The following MREG variants were observed in gnomAD, a reference collection of about 807,000 sequenced individuals.
MREG encodes the protein dilute suppressor protein homolog.
In MREG, 31 loss-of-function variants were observed where a neutral mutation model predicts 28.5. The ratio of observed to expected loss-of-function variants is 1.09; its 90% CI spans 0.82 to 1.47. The LOEUF is 1.47. Ranked by LOEUF, MREG falls within the 40% of genes most tolerant of loss-of-function variation. MREG has a pLI of 0.00. For missense variants in MREG, 256 were observed against 257.4 expected (o/e 0.99, Z 0.04); for synonymous variants, 106 against 95.2 (o/e 1.11, Z -0.66).
At chr2:215,997,104 A>G (rs896234683) in intron 1 of MREG, among the ~76,000 whole-genome samples, 3 of 152,196 alleles carry the variant, frequency 2.0e-5, no homozygotes, top group African/African-American at 7.2e-5. Flanking sequence ...TTGTGTGATT[A>G]AAAGAAGAAA....
chr2:215,994,274 A>G (rs1693799734), intron 2 of MREG, among the ~76,000 whole-genome samples: 1 of 151,910 alleles, frequency 6.6e-6, no homozygotes, highest in South Asian at 2.1e-4. Flanking sequence ...GACATGGATG[A>G]AGCTGAAAAC....
chr2:215,948,231 T>TATAG (rs1408378598), intron 2 of MREG, among the ~76,000 whole-genome samples: 1 of 152,242 alleles, frequency 6.6e-6, no homozygotes, highest in East Asian at 1.9e-4. Flanking sequence ...CGCAAATGTT[T>TATAG]ATAGATACCA....
At chr2:216,016,774 A>C (rs1289609568), upstream of MREG, among the ~76,000 whole-genome samples, 3 of 152,210 alleles carry the variant, frequency 2.0e-5, no homozygotes, top group African/African-American at 7.2e-5. Context: ...TGCAATATAC[A>C]GGCATCTTTT....
upstream of MREG, among the ~76,000 whole-genome samples, chr2:216,015,732 G>A (rs1306443795): frequency 6.6e-6 from 1 of 152,168 alleles, no homozygotes; most frequent in Non-Finnish European, 1.5e-5. Flanking sequence ...GTAAGGAACG[G>A]CTGGACTCTA....
intron 2 of MREG, among the ~76,000 whole-genome samples, chr2:215,954,395 G>A (rs1692563730): frequency 6.7e-6 from 1 of 150,334 alleles, no homozygotes; most frequent in South Asian, 2.1e-4. Context: ...TTCAGAGGAA[G>A]ATGTTCATAC....
At chr2:215,994,982 G>T (rs1382011572) in intron 2 of MREG, among the ~76,000 whole-genome samples, 1 of 152,164 alleles carries the variant, frequency 6.6e-6, no homozygotes, top group Non-Finnish European at 1.5e-5. Flanking sequence ...GAGAAGAAAT[G>T]ACTCTGTTCT....
chr2:216,013,333 G>T lies in MREG; in HGVS notation c.-6C>A. 1 of 1,519,670 alleles carries T rather than the reference G, an allele frequency of 6.6e-7. No individual in the cohort carries two copies. The highest frequency in any genetic ancestry group is 8.8e-7 in the Non-Finnish European group (1 of 1,133,676). The allele number at this position is 1,519,670 out of a possible 1,614,324, so 94.1% of individuals were successfully genotyped here. A position where few individuals can be genotyped will look rare whatever the true frequency, so the allele number is the denominator to read the frequency against. On this transcript the variant is annotated 5_prime_UTR_variant, in exon 1 of 5. Coordinates refer to ENST00000263268, the MANE Select transcript of MREG (RefSeq NM_018000.3). ...AGCCAGTCCCTCAGCCCCATGGAGA[G>T]CGAGGGCCCCCACCGGCGCCGGAAG... is the stretch of plus-strand genomic sequence containing the variant.
intron 1 of MREG, among the ~76,000 whole-genome samples, chr2:216,002,368 A>G (rs1694038879): frequency 1.3e-5 from 2 of 152,126 alleles, no homozygotes; most frequent in African/African-American, 4.8e-5. Context: ...GTTCCTCAGG[A>G]TTCCTCACTA....
At chr2:216,029,403 G>C (rs575445828) in intron 1 of MREG, among the ~76,000 whole-genome samples, 1 of 152,168 alleles carries the variant, frequency 6.6e-6, no homozygotes, top group African/African-American at 2.4e-5. Flanking sequence ...GCTTGAACCT[G>C]GGAGGTAGAG....
intron 1 of MREG, among the ~76,000 whole-genome samples, chr2:216,031,693 GAA>G (rs201901222): frequency 0.037 from 4,780 of 128,280 alleles, 180 homozygotes; most frequent in African/African-American, 0.079. Flanking sequence ...GAAAGAAAGA[GAA>G]AGAAAGAAAG....
chr2:215,979,979 A>AAAC (rs35040960), intron 2 of MREG, among the ~76,000 whole-genome samples: 479 of 3,850 alleles, frequency 0.12, 3 homozygotes, highest in African/African-American at 0.17. Flanking sequence ...ACAAACAAAC[A>AAAC]AAAAAAAAAA....
At chr2:215,999,640 A>T (rs2106020848) in intron 1 of MREG, among the ~76,000 whole-genome samples, 1 of 152,344 alleles carries the variant, frequency 6.6e-6, no homozygotes, top group Middle Eastern at 3.4e-3. Flanking sequence ...TGATTGAGAT[A>T]AAAGTAAGCG....
downstream of MREG, chr2:215,939,505 A>C (rs984580153): frequency 6.6e-6 from 1 of 152,194 alleles, no homozygotes; most frequent in Non-Finnish European, 1.5e-5. Context: ...TGGCAGTGAA[A>C]GTTTCATTCT....
At chr2:216,000,805 T>C (rs1012127582) in intron 1 of MREG, among the ~76,000 whole-genome samples, 1 of 152,170 alleles carries the variant, frequency 6.6e-6, no homozygotes, top group Non-Finnish European at 1.5e-5. Context: ...TTTTAAAAAT[T>C]TCCCTAAAGC....
chr2:215,985,074 G>C (rs866749316), intron 2 of MREG, among the ~76,000 whole-genome samples: 3 of 152,176 alleles, frequency 2.0e-5, no homozygotes, highest in Non-Finnish European at 4.4e-5. Context: ...GCTTAAAATG[G>C]AAATAATAAT....
At chr2:215,960,919 A>G (rs565429473) in intron 2 of MREG, among the ~76,000 whole-genome samples, 1 of 152,336 alleles carries the variant, frequency 6.6e-6, no homozygotes, top group East Asian at 1.9e-4. Context: ...TTCCGGCACT[A>G]CAAAAGCTGA....
intron 2 of MREG, among the ~76,000 whole-genome samples, chr2:215,988,177 A>G (rs1173215064): frequency 6.6e-6 from 1 of 152,128 alleles, no homozygotes; most frequent in East Asian, 1.9e-4. Context: ...TGATTTCTGC[A>G]TTTCCACCTG....
chr2:215,985,699 A>C (rs765854818), intron 2 of MREG, among the ~76,000 whole-genome samples: 5 of 152,152 alleles, frequency 3.3e-5, no homozygotes, highest in Non-Finnish European at 7.4e-5. Flanking sequence ...GAGAATGCAG[A>C]TTGTACATAC....
intron 2 of MREG, among the ~76,000 whole-genome samples, chr2:215,978,617 C>T (rs567314959): frequency 2.9e-4 from 44 of 152,286 alleles, no homozygotes; most frequent in African/African-American, 8.2e-4. Flanking sequence ...TGATGAATAT[C>T]GATGCAAAAA....
Sources: allele counts gnomAD v4.1 joint callset (sites outside exome capture counted in the v4.1 genomes callset), GRCh38; gene constraint gnomAD v4.1.1; transcripts MANE v1.5; gene names NCBI Gene and HGNC (gene_info 2026-07-23, HGNC 2026-07-21).